Variants in RBM4 observed in about 807,000 individuals in gnomAD.
RBM4 encodes RNA-binding protein 4.
A neutral mutation model predicts 29.5 loss-of-function variants in RBM4; 7 were observed. The ratio of observed to expected loss-of-function variants is 0.24; its 90% confidence interval spans 0.14 to 0.45. The LOEUF (loss-of-function observed/expected upper bound fraction) is 0.45, where lower values mean the gene tolerates loss of function less well. RBM4 is among the 20% of genes least tolerant of loss of function. The pLI is 1.00. For synonymous variants in RBM4, 220 were observed against 205.4 expected, an observed-to-expected ratio of 1.07 and a Z score of -0.61; for missense variants, 387 against 502.3, an observed-to-expected ratio of 0.77 and a Z score of 2.19.
At chr11:66,647,899 A>G (rs1938736384), downstream of RBM4, among the ~76,000 whole-genome samples, 1 of 152,178 alleles carries the variant, frequency 6.6e-6, no homozygotes, top group South Asian at 2.1e-4. Flanking sequence ...TTTGCATTAC[A>G]AAACTAGTTA....
chr11:66,650,324 CT>C (rs1309445309), downstream of RBM4, among the ~76,000 whole-genome samples: 2 of 152,202 alleles, frequency 1.3e-5, no homozygotes, highest in Non-Finnish European at 2.9e-5. Context: ...AATCCCAGCA[CT>C]TTGGGAGGCC....
chr11:66,659,514 C>T (rs192401420), intron 2 of RBM4, among the ~76,000 whole-genome samples: 50 of 152,090 alleles, frequency 3.3e-4, no homozygotes, highest in African/African-American at 1.0e-3. Context: ...CTACCGACCT[C>T]GGGTTCTGCC....
chr11:66,658,408 G>C (rs1009995018), intron 2 of RBM4, among the ~76,000 whole-genome samples: 1 of 125,058 alleles, frequency 8.0e-6, no homozygotes, highest in African/African-American at 3.0e-5. Flanking sequence ...GAGATTCCCT[G>C]AAATCATTGT....
chr11:66,639,579 G>A (rs1356034107), intron 1 of RBM4, 121 bp from the exon 2 acceptor site: 3 of 1,192,166 alleles, frequency 2.5e-6, no homozygotes, highest in African/African-American at 3.1e-5. Flanking sequence ...TTGTGTGGAG[G>A]TGTGTGTGCA....
chr11:66,665,411 G>A, intron 2 of RBM4: 1 of 650,870 alleles, frequency 1.5e-6, no homozygotes. Flanking sequence ...AGTTTCAGGA[G>A]GAAAGAAAAG....
In RBM4 at chr11:66,643,938, A is replaced by C; in HGVS notation, c.901A>C (p.Thr301Pro). 6.2e-7 allele frequency: 1 copy of C among 1,613,254 alleles called. No homozygotes were observed. Among genetic ancestry groups the C allele is most frequent in the Non-Finnish European group, 8.5e-7 (1 of 1,179,948 alleles). Reference sequence around the variant, plus strand: ...CGCTGCTGCTGTTACTGCAGCTTCCACTTCATATTACGGGCGGGATCGGAG... The same window carrying C: ...CGCTGCTGCTGTTACTGCAGCTTCCCCTTCATATTACGGGCGGGATCGGAG... Reference protein sequence around the residue: ...AAAAAVTAASTSYYGRDRSPL... With the variant: ...AAAAAVTAASPSYYGRDRSPL... Residue 301 changes from threonine (T) to proline (P), a missense_variant, in exon 3 of 4, where the codon ACT becomes CCT. Thr to Pro is a conservative substitution (Grantham distance 38). Transcript: ENST00000310092. This position sits in a 1 kb window ranked among gnomAD's most constrained non-coding sequence, Gnocchi z 6.1.
At chr11:66,662,624 A>T (rs1326250545) in intron 2 of RBM4, among the ~76,000 whole-genome samples, 1 of 152,106 alleles carries the variant, frequency 6.6e-6, no homozygotes, top group Non-Finnish European at 1.5e-5. Flanking sequence ...GCTGGTCTCA[A>T]ACTCTTGAGC....
chr11:66,644,931 T>G (rs6591220), intron 3 of RBM4, among the ~76,000 whole-genome samples: 1,907 of 152,160 alleles, frequency 0.013, 40 homozygotes, highest in African/African-American at 0.043. Context: ...CTTAGGGTTT[T>G]TTTTTTTTTT....
exon 3 of RBM4, chr11:66,666,291 T>TTA: frequency 9.2e-7 from 1 of 1,085,684 alleles, no homozygotes; most frequent in Non-Finnish European, 1.1e-6. Flanking sequence ...CTCTACTTAT[T>TTA]ACAGACAAAG....
chr11:66,665,826 A>G, intron 2 of RBM4: 1 of 1,502,242 alleles, frequency 6.7e-7, no homozygotes, highest in Non-Finnish European at 8.9e-7. Flanking sequence ...TGTGTTGGTG[A>G]TAAATACATC....
rs1374310753 is a variant in RBM4 at position 66,644,448 on chromosome 11, C to T, written c.*8+308C>T. Reference sequence around the variant, plus strand: ...CCTATGTACTATACTATAATTGAACCTTACCTGGGGACCCACACGTTCAGG... The same window carrying T: ...CCTATGTACTATACTATAATTGAACTTTACCTGGGGACCCACACGTTCAGG... On this transcript the variant is annotated intron_variant, in intron 3 of 3. Coordinates refer to ENST00000310092, the MANE Select transcript of RBM4 (RefSeq NM_002896.4). 7 of 262,348 alleles carry T rather than the reference C, an allele frequency of 2.7e-5. No homozygotes were observed. In the East Asian group the frequency reaches 2.7e-4, roughly 10 times the overall value. The allele number at this position is 262,348 out of a possible 1,614,324, so 16.3% of individuals were successfully genotyped here. A position where few individuals can be genotyped will look rare whatever the true frequency, so the allele number is the denominator to read the frequency against.
downstream of RBM4, chr11:66,649,722 T>G: frequency 1.4e-6 from 1 of 701,932 alleles, no homozygotes. Flanking sequence ...TTTTTCTTGC[T>G]TTTTGTTTTT....
At chr11:66,641,323 G>C (rs1938453301) in intron 2 of RBM4, 1 of 152,022 alleles carries the variant, frequency 6.6e-6, no homozygotes, top group Non-Finnish European at 1.5e-5. Flanking sequence ...CCTTAAATTG[G>C]GCTTTTTTAG....
intron 3 of RBM4, 71 bp from the exon 4 acceptor site, chr11:66,645,956 A>T (rs1220981862): frequency 2.0e-6 from 3 of 1,535,438 alleles, no homozygotes; most frequent in Non-Finnish European, 2.6e-6. Context: ...CTTTGTAAAG[A>T]TGTTGAAGTT....
At chr11:66,648,348 C>G (rs999836452), downstream of RBM4, among the ~76,000 whole-genome samples, 3 of 151,854 alleles carry the variant, frequency 2.0e-5, no homozygotes, top group Non-Finnish European at 4.4e-5. Flanking sequence ...TGGTGAAACC[C>G]TGTCTCTGCA....
chr11:66,645,592 T>C (rs1321767083), intron 3 of RBM4, among the ~76,000 whole-genome samples: 2 of 152,214 alleles, frequency 1.3e-5, no homozygotes, highest in Non-Finnish European at 1.5e-5. Flanking sequence ...CTTTGAATGA[T>C]TTTTAACTCG....
intron 2 of RBM4, among the ~76,000 whole-genome samples, chr11:66,653,387 A>T (rs1199856265): frequency 8.8e-6 from 1 of 114,042 alleles, no homozygotes; most frequent in African/African-American, 3.4e-5. Context: ...TTTGAGAGGG[A>T]GTCTTGCTTT....
At position 66,644,084 on chromosome 11, in the gene RBM4, G is replaced by A. The variant is rs1450132802; in HGVS notation, c.1047G>A (p.Arg349=). ...AARNSLYDMA[R]YEREQYADRA... The stretch of plus-strand genomic sequence containing the variant: ...GGAATTCTCTGTACGACATGGCCCG[G>A]TATGAGCGGGAGCAGTATGCCGATC... The change falls in exon 3 of 4, where the codon CGG becomes CGA. Residue 349 remains arginine (R), a synonymous_variant. Transcript: ENST00000310092. 1.2e-6 allele frequency: 2 copies of A among 1,613,968 alleles called. No homozygotes were observed. The highest frequency in any genetic ancestry group is 2.2e-5 in the East Asian group (1 of 44,886).
Position 66,644,082 on chromosome 11 carries a change from C to CGGTATGA in RBM4, c.1047_1053dup (p.Arg352ValfsTer2). 6.2e-7 allele frequency: 1 copy of CGGTATGA among 1,613,982 alleles called. No homozygotes were observed. The highest frequency in any genetic ancestry group is 8.5e-7 in the Non-Finnish European group (1 of 1,180,014). On this transcript the variant is annotated frameshift_variant, in exon 3 of 4. Coordinates refer to ENST00000310092, the MANE Select transcript of RBM4 (RefSeq NM_002896.4). LOFTEE classifies it high-confidence loss of function. Reference sequence around the variant, plus strand: ...GCGGAATTCTCTGTACGACATGGCCCGGTATGAGCGGGAGCAGTATGCCGA... The same window carrying CGGTATGA: ...GCGGAATTCTCTGTACGACATGGCCCGGTATGAGGTATGAGCGGGAGCAGTATGCCGA...
Sources: gnomAD v4.1 joint callset for allele counts (sites outside exome capture counted in the v4.1 genomes callset) on GRCh38, gnomAD v4.1.1 for gene constraint, Gnocchi (gnomAD v3.1) non-coding constraint, MANE v1.5 for transcripts, NCBI Gene and HGNC (gene_info 2026-07-23, HGNC 2026-07-21) for gene names.